Variants in LNPEP observed in about 807,000 individuals in gnomAD.
LNPEP encodes leucyl-cystinyl aminopeptidase.
In LNPEP, 64 loss-of-function variants were observed where a neutral mutation model predicts 120.6. The ratio of observed to expected loss-of-function variants is 0.53; its 90% CI spans 0.43 to 0.65. The LOEUF (loss-of-function observed/expected upper bound fraction) is 0.65. Ranked by LOEUF, LNPEP falls within the 30% of genes least tolerant of loss-of-function variation. LNPEP has a pLI of 0.00. For synonymous variants in LNPEP, 435 were observed against 425.4 expected (o/e 1.02, Z -0.28); for missense variants, 1,057 against 1,200.0 (o/e 0.88, Z 1.76).
chr5:97,017,937 G>C (rs1791104217), intron 13 of LNPEP, among the ~76,000 whole-genome samples: 1 of 152,074 alleles, frequency 6.6e-6, no homozygotes, highest in Admixed American at 6.6e-5. Context: ...TGGGCATGTA[G>C]GTGACTAACC....
intron 1 of LNPEP, among the ~76,000 whole-genome samples, chr5:96,969,812 G>A (rs73135418): frequency 0.025 from 3,748 of 151,304 alleles, 157 homozygotes; most frequent in African/African-American, 0.086. Context: ...GGGTGGAAAT[G>A]TCGTTATTTT....
Position 97,031,589 on chromosome 5 carries a change from T to C in LNPEP, c.*3056T>C, listed in dbSNP as rs1791470533. The C allele has an allele frequency of 6.6e-6, 1 of 152,148 alleles. No individual in the cohort carries two copies. Among genetic ancestry groups the C allele is most frequent in the Non-Finnish European group, 1.5e-5 (1 of 68,032 alleles). The allele number at this position is 152,148 out of a possible 1,614,324, so 9.4% of individuals were successfully genotyped here. ...AAACAGAATCCTTTCTATTAGGAAA[T>C]AAGAAATCAGTTAAGTGTTGGCTGG... is the stretch of plus-strand genomic sequence containing the variant. On this transcript the variant is annotated 3_prime_UTR_variant, in exon 18 of 18. Coordinates refer to ENST00000231368, the MANE Select transcript of LNPEP (RefSeq NM_005575.3).
intron 13 of LNPEP, among the ~76,000 whole-genome samples, chr5:97,020,308 G>C (rs1791161743): frequency 6.6e-6 from 1 of 152,148 alleles, no homozygotes; most frequent in Non-Finnish European, 1.5e-5. Context: ...TGAAGAACTT[G>C]AGCTAAACTT....
chr5:96,937,468 C>G (rs753771527), intron 1 of LNPEP: 2 of 152,170 alleles, frequency 1.3e-5, no homozygotes, highest in Non-Finnish European at 2.9e-5. Context: ...AAAGAATAGT[C>G]TGGTGAAGTT....
chr5:96,973,803 TCTAAAGTCTGTGAGA>T (rs964567937), intron 1 of LNPEP, among the ~76,000 whole-genome samples: 1 of 152,162 alleles, frequency 6.6e-6, no homozygotes, highest in Non-Finnish European at 1.5e-5. Flanking sequence ...CTTTAATCCT[TCTAAAGTCTGTGAGA>T]AGTTTGCTTC....
At chr5:96,948,273 A>G (rs1789239154) in intron 1 of LNPEP, among the ~76,000 whole-genome samples, 1 of 152,088 alleles carries the variant, frequency 6.6e-6, no homozygotes, top group African/African-American at 2.4e-5. Flanking sequence ...ATGCACCACC[A>G]TGCCCGGCTA....
At position 97,024,612 on chromosome 5, in the gene LNPEP, G is replaced by C. The variant is rs1251269183; in HGVS notation, c.2653G>C (p.Gly885Arg). 6.2e-7 allele frequency: 1 copy of C among 1,614,070 alleles called. No individual in the cohort carries two copies. The highest frequency in any genetic ancestry group is 1.7e-5 in the Admixed American group (1 of 60,018). Residue 885 changes from glycine (G) to arginine (R), a missense_variant, in exon 15 of 18, where the codon GGC (glycine) becomes CGC (arginine). Physicochemically the swap from Gly to Arg is moderately radical, Grantham distance 125. Transcript: ENST00000231368. ...CCTTTTGGGCAAATACATTTCTATA[G>C]GCTCTGAAGCAGAGAAGAACAAAAT... The part of the protein sequence containing the change: ...SFLLGKYISI[G>R]SEAEKNKILE...
At chr5:96,971,994 C>T (rs1266758985) in intron 1 of LNPEP, among the ~76,000 whole-genome samples, 5 of 152,092 alleles carry the variant, frequency 3.3e-5, no homozygotes, top group Admixed American at 2.6e-4. Context: ...TTAGGGTTCA[C>T]ATTTTCTTGT....
At chr5:96,964,206 C>A (rs2112585232) in intron 1 of LNPEP, among the ~76,000 whole-genome samples, 1 of 151,688 alleles carries the variant, frequency 6.6e-6, no homozygotes. Context: ...ATCGTGATAT[C>A]CTTGTCTCCT....
chr5:97,021,923 G>GTTTTTTTTTTTTTTTTTTTTT (rs1165456605), intron 13 of LNPEP, among the ~76,000 whole-genome samples: 2 of 57,194 alleles, frequency 3.5e-5, no homozygotes, highest in South Asian at 8.0e-4. Flanking sequence ...TTTGTCTTTT[G>GTTTTTTTTTTTTTTTTTTTTT]TTTTTTTTTT....
At position 96,993,981 on chromosome 5, in the gene LNPEP, A is replaced by G. The variant is rs1441365838; in HGVS notation, c.1407+10A>G. 6 of 1,612,994 alleles carry G rather than the reference A, an allele frequency of 3.7e-6. No homozygotes were observed. In the South Asian group the frequency reaches 4.4e-5, roughly 12 times the overall value. On this transcript the variant is annotated intron_variant, in intron 6 of 17. Transcript: ENST00000231368. ...TGAGCTGGCCCACCAGGTATTAGCAACCAAGGCTGTTCTGTGTCACACCTG... is the reference window on the plus strand; with the variant it reads ...TGAGCTGGCCCACCAGGTATTAGCAGCCAAGGCTGTTCTGTGTCACACCTG...
intron 8 of LNPEP, among the ~76,000 whole-genome samples, chr5:97,001,459 G>C (rs2112639161): frequency 6.6e-6 from 1 of 152,232 alleles, no homozygotes; most frequent in Non-Finnish European, 1.5e-5. Flanking sequence ...TATGAGATAT[G>C]GATTAGATAT....
chr5:97,022,794 C>T (rs866981824), intron 14 of LNPEP, among the ~76,000 whole-genome samples: 1 of 110,948 alleles, frequency 9.0e-6, no homozygotes, highest in East Asian at 3.2e-4. Flanking sequence ...CCCCTCCCCC[C>T]ACCCCACAAC....
chr5:97,008,154 C>T (rs1211745755), intron 11 of LNPEP, among the ~76,000 whole-genome samples: 1 of 152,076 alleles, frequency 6.6e-6, no homozygotes, highest in Non-Finnish European at 1.5e-5. Flanking sequence ...CCCCATCTCC[C>T]TATATCCTGA....
At chr5:96,943,381 G>A (rs1031238617) in intron 1 of LNPEP, among the ~76,000 whole-genome samples, 2 of 152,206 alleles carry the variant, frequency 1.3e-5, no homozygotes, top group Non-Finnish European at 2.9e-5. Context: ...TGACTTCTCA[G>A]GCTCAAGCGA....
At chr5:96,947,739 G>A (rs1003921916) in intron 1 of LNPEP, among the ~76,000 whole-genome samples, 12 of 152,164 alleles carry the variant, frequency 7.9e-5, no homozygotes, top group African/African-American at 2.9e-4. Context: ...TTTTATATTA[G>A]TTGTATATTC....
At chr5:96,995,686 G>A (rs769382331) in intron 6 of LNPEP, among the ~76,000 whole-genome samples, 3 of 152,026 alleles carry the variant, frequency 2.0e-5, no homozygotes, top group Non-Finnish European at 4.4e-5. Context: ...ACATCACCAT[G>A]CCTGGCTTAA....
chr5:96,936,127 C>G lies in LNPEP; in HGVS notation c.-29C>G. 2 of 1,514,974 alleles carry G rather than the reference C, an allele frequency of 1.3e-6. No individual in the cohort carries two copies. The highest frequency in any genetic ancestry group is 4.2e-5 in the Admixed American group (2 of 48,104). The allele number at this position is 1,514,974 out of a possible 1,614,324, so 93.8% of individuals were successfully genotyped here. On this transcript the variant is annotated 5_prime_UTR_variant, in exon 1 of 18. Coordinates refer to ENST00000231368, the MANE Select transcript of LNPEP (RefSeq NM_005575.3). ...CTCGGAGTAGGAAGCTCGGGCGCTC[C>G]GGCTGTAAGGAGCCGCGGCGGGGGG...
Position 97,026,621 on chromosome 5 carries a change from A to T in LNPEP, c.2728A>T (p.Met910Leu). Reference protein sequence around the residue: ...SEDVRKLYWLMKSSLNGDNFR... With the variant: ...SEDVRKLYWLLKSSLNGDNFR... ...TAAATCTGCTTTGCTCTTCAGGTTA[A>T]TGAAAAGTAGCCTGAATGGAGATAA... Residue 910 changes from methionine to leucine, a missense_variant, in exon 16 of 18, where the codon ATG becomes TTG. By Grantham distance (15) the Met-to-Leu change is conservative. Coordinates refer to ENST00000231368, the MANE Select transcript of LNPEP (RefSeq NM_005575.3). The T allele has an allele frequency of 6.2e-7, 1 of 1,612,612 alleles. No individual in the cohort carries two copies. Among genetic ancestry groups the T allele is most frequent in the South Asian group, 1.1e-5 (1 of 90,932 alleles).
Sources: gnomAD v4.1 joint callset for allele counts (sites outside exome capture counted in the v4.1 genomes callset) on GRCh38, gnomAD v4.1.1 for gene constraint, MANE v1.5 for transcripts, NCBI Gene and HGNC (gene_info 2026-07-23, HGNC 2026-07-21) for gene names.